Variants in CAMKK1 observed in about 807,000 individuals in gnomAD.
CAMKK1 encodes the protein calcium/calmodulin-dependent protein kinase kinase 1.
Under a neutral mutation model 63.5 loss-of-function variants are expected in CAMKK1, and 20 were observed. The observed-to-expected ratio is 0.32, with a 90% CI of 0.22 to 0.46. The LOEUF is 0.46. CAMKK1 is among the 20% of genes least tolerant of loss of function. The pLI is 1.00. For missense variants in CAMKK1, 588 were observed against 658.1 expected (o/e 0.89, Z 1.17); for synonymous variants, 253 against 269.0 (o/e 0.94, Z 0.58).
intron 9 of CAMKK1, chr17:3,880,031 C>T: frequency 2.8e-6 from 1 of 359,088 alleles, no homozygotes; most frequent in Non-Finnish European, 5.2e-6. Context: ...TTCCTTCCCA[C>T]ATCTCTTGAA....
intron 9 of CAMKK1, 118 bp from the exon 10 acceptor site, chr17:3,876,540 C>T (rs1192722578): frequency 1.8e-5 from 15 of 816,908 alleles, no homozygotes; most frequent in Non-Finnish European, 2.6e-5. Flanking sequence ...TGCACACTTT[C>T]GTCTGGTGAC....
In CAMKK1 at chr17:3,862,240, CG is replaced by C. The variant is rs2054352619; in HGVS notation, c.1488del (p.Gly497AlafsTer206). ...GATGCAGCCTCGTCTTCCTGGACGCCGGGGAGCTCTGGGCTCTTGCCCCCTT... is the reference window on the plus strand; with the variant it reads ...GATGCAGCCTCGTCTTCCTGGACGCCGGGAGCTCTGGGCTCTTGCCCCCTT... ...FGEGGKSPELPGVQEDEAAS is the reference protein window; with the variant it reads ...FGEGGKSPELXGVQEDEAAS On this transcript the variant is annotated frameshift_variant, in exon 16 of 16. Transcript: ENST00000348335. LOFTEE classifies it high-confidence loss of function. This position sits in a 1 kb window ranked among gnomAD's most constrained non-coding sequence, Gnocchi z 4.1. The C allele has an allele frequency of 6.3e-7, 1 of 1,591,126 alleles. No homozygotes were observed. Among genetic ancestry groups the C allele is most frequent in the Non-Finnish European group, 8.6e-7 (1 of 1,168,218 alleles).
rs1051137514 is a variant in CAMKK1, at chr17:3,883,724, TCCC to T, written c.462+157_462+159del. Among the ~76,000 whole-genome samples, 3 of 151,940 alleles carry T rather than the reference TCCC, an allele frequency of 2.0e-5. No homozygotes were observed. The highest frequency in any genetic ancestry group is 4.4e-5 in the Non-Finnish European group (3 of 67,948). On this transcript the variant is annotated intron_variant, in intron 4 of 15. Transcript: ENST00000348335. This position sits in a 1 kb window ranked among gnomAD's most constrained non-coding sequence, Gnocchi z 4.7. ...GAGGAATCCAGTCTCTGCTTGCATA[TCCC>T]CAGGGTTAGGAAGCTCATTCCTTTG...
chr17:3,868,714 G>A (rs964583104), intron 14 of CAMKK1, among the ~76,000 whole-genome samples: 14 of 151,938 alleles, frequency 9.2e-5, no homozygotes, highest in African/African-American at 2.4e-4. Flanking sequence ...GTGCAATGGC[G>A]TGATCTTGGC....
intron 10 of CAMKK1, 144 bp from the exon 11 acceptor site, chr17:3,873,606 C>A (rs545433000): frequency 5.1e-6 from 4 of 784,724 alleles, no homozygotes; most frequent in African/African-American, 3.4e-5. Flanking sequence ...GGTACTTGCC[C>A]GATGCTGGGC....
At chr17:3,867,614 G>A (rs1295313310) in intron 14 of CAMKK1, among the ~76,000 whole-genome samples, 1 of 152,182 alleles carries the variant, frequency 6.6e-6, no homozygotes, top group East Asian at 1.9e-4. Context: ...TGGTCATGGG[G>A]ACCCCGTGGG....
rs111910185 is a variant in CAMKK1 at position 3,868,166 on chromosome 17, T to C, written c.1341+1321A>G. Among the ~76,000 whole-genome samples, 20 of 3,936 alleles carry C rather than the reference T, an allele frequency of 5.1e-3. 4 individuals carry two copies. The highest frequency in any genetic ancestry group is 0.025 in the East Asian group (2 of 80). The allele number at this position is 3,936 out of a possible 152,430, so 2.6% of individuals were successfully genotyped here. A position where few individuals can be genotyped will look rare whatever the true frequency, so the allele number is the denominator to read the frequency against. On this transcript the variant is annotated intron_variant, in intron 14 of 15. Coordinates refer to ENST00000348335, the MANE Select transcript of CAMKK1 (RefSeq NM_032294.3). ...AAGCAGGCGCCGTCTAACTGATACG[T>C]GGGCTCTGGGGGAGAAGCAGGCGCC...
chr17:3,864,578 C>T (rs887612730), intron 15 of CAMKK1, among the ~76,000 whole-genome samples: 8 of 152,186 alleles, frequency 5.3e-5, no homozygotes, highest in Non-Finnish European at 7.3e-5. Context: ...CTTCCCCTTT[C>T]ACTCTCAAAA....
At chr17:3,871,570 A>G (rs1314044085) in intron 12 of CAMKK1, among the ~76,000 whole-genome samples, 4 of 145,952 alleles carry the variant, frequency 2.7e-5, no homozygotes, top group South Asian at 2.2e-4. Flanking sequence ...GTTAGCCAGG[A>G]TGGTCTCGAT....
At chr17:3,865,113 T>C in intron 15 of CAMKK1, 1 of 985,168 alleles carries the variant, frequency 1.0e-6, no homozygotes. Flanking sequence ...ACCCCACTGG[T>C]TTTCTCTCTG....
rs1170658415 is a variant in CAMKK1 at position 3,882,942 on chromosome 17, G to A, written c.648+100C>T. 1.3e-6 allele frequency: 2 copies of A among 1,485,376 alleles called. No homozygotes were observed. The highest frequency in any genetic ancestry group is 2.3e-5 in the East Asian group (1 of 43,900). The allele number at this position is 1,485,376 out of a possible 1,614,324, so 92.0% of individuals were successfully genotyped here. A position where few individuals can be genotyped will look rare whatever the true frequency, so the allele number is the denominator to read the frequency against. On this transcript the variant is annotated intron_variant, in intron 6 of 15. Coordinates refer to ENST00000348335, the MANE Select transcript of CAMKK1 (RefSeq NM_032294.3). The surrounding 1 kb of genome is among the most constrained non-coding windows in gnomAD (Gnocchi z 4.3). ...GAGGCCTCAGCCACATCTGCCACCTGGGCAAGATCCCTGGGTCTGTGCTAG... is the reference window on the plus strand; with the variant it reads ...GAGGCCTCAGCCACATCTGCCACCTAGGCAAGATCCCTGGGTCTGTGCTAG...
rs2143906109 is a variant in CAMKK1, at chr17:3,889,213, CAG to C, written c.-43-3485_-43-3484del. Among the ~76,000 whole-genome samples, 1 of 152,236 alleles carries C rather than the reference CAG, an allele frequency of 6.6e-6. No individual in the cohort carries two copies. The highest frequency in any genetic ancestry group is 1.9e-4 in the East Asian group (1 of 5,166). ...ACCCAGGCCCATCTGGAGGCTCACA[CAG>C]GGGGTGTCTCAAGGCCCTTCCCAAG... On this transcript the variant is annotated intron_variant, in intron 1 of 15. Coordinates refer to ENST00000348335, the MANE Select transcript of CAMKK1 (RefSeq NM_032294.3). This position sits in a 1 kb window ranked among gnomAD's most constrained non-coding sequence, Gnocchi z 5.2.
In CAMKK1 at chr17:3,862,957, C is replaced by T. The variant is rs58145348; in HGVS notation, c.1446-674G>A. 1.6e-3 allele frequency among the ~76,000 whole-genome samples: 251 copies of T among 152,304 alleles called. No homozygotes were observed. Among genetic ancestry groups the T allele is most frequent in the African/African-American group, 5.7e-3 (238 of 41,576 alleles). On this transcript the variant is annotated intron_variant, in intron 15 of 15. Transcript: ENST00000348335. The surrounding 1 kb of genome is among the most constrained non-coding windows in gnomAD (Gnocchi z 4.1). ...CGGCCTGAGGGCCTTCTGTGTTGAC[C>T]TCAGTCATCCCCCAGCAGATCTGGG...
chr17:3,870,427 G>A (rs748803056), intron 12 of CAMKK1, among the ~76,000 whole-genome samples: 15 of 151,512 alleles, frequency 9.9e-5, no homozygotes, highest in East Asian at 7.8e-4. Flanking sequence ...GTGCAGTGGC[G>A]CAATCTCGGC....
At position 3,876,184 on chromosome 17, in the gene CAMKK1, C is replaced by T. The variant is rs754950220; in HGVS notation, c.996+39G>A. ...CCACTGCGGCAAGCTATTACGCCCCCCACTTGAACCCCAGCCTGGCCCAGG... is the reference window on the plus strand; with the variant it reads ...CCACTGCGGCAAGCTATTACGCCCCTCACTTGAACCCCAGCCTGGCCCAGG... On this transcript the variant is annotated intron_variant, in intron 10 of 15. Transcript: ENST00000348335. 9.4e-6 allele frequency: 15 copies of T among 1,587,942 alleles called. No homozygotes were observed. In the Admixed American group the frequency reaches 1.0e-4, roughly 11 times the overall value.
chr17:3,868,472 C>A (rs2143799817), intron 14 of CAMKK1, among the ~76,000 whole-genome samples: 1 of 149,508 alleles, frequency 6.7e-6, no homozygotes, highest in South Asian at 2.1e-4. Context: ...CAGGCGCCGC[C>A]TAACTGATAC....
intron 7 of CAMKK1, 89 bp from the exon 8 acceptor site, chr17:3,881,737 G>A (rs1350276381): frequency 7.3e-6 from 9 of 1,228,244 alleles, no homozygotes; most frequent in Admixed American, 5.9e-5. Flanking sequence ...GTAGGAGAGG[G>A]GGCAGGCATG....
intron 15 of CAMKK1, among the ~76,000 whole-genome samples, chr17:3,864,492 C>A (rs2532948): frequency 0.34 from 50,770 of 150,780 alleles, 8,498 homozygotes; most frequent in East Asian, 0.39. Flanking sequence ...GTGATCCACC[C>A]GCCTCGGCCT....
At chr17:3,880,500 G>A in intron 8 of CAMKK1, 66 bp from the exon 9 acceptor site, 4 of 1,216,006 alleles carry the variant, frequency 3.3e-6, no homozygotes, top group South Asian at 1.3e-5. Context: ...TCAGGTGGTC[G>A]GGACGTCCCG....
Sources: allele counts gnomAD v4.1 joint callset (sites outside exome capture counted in the v4.1 genomes callset), GRCh38; gene constraint gnomAD v4.1.1; non-coding constraint Gnocchi (gnomAD v3.1); transcripts MANE v1.5; gene names NCBI Gene and HGNC (gene_info 2026-07-23, HGNC 2026-07-21).